Variants in TAS1R3 observed in about 807,000 individuals in gnomAD.
TAS1R3 encodes the protein taste 1 receptor member 3, also known as taste receptor type 1 member 3.
TAS1R3 carries 58 observed loss-of-function variants against 46.1 expected under a neutral mutation model. That is an observed-to-expected ratio of 1.26 (90% CI 1.02 to 1.57). TAS1R3 has a LOEUF of 1.57. Among genes scored for constraint, TAS1R3 ranks in the 40% most tolerant of loss-of-function variants. The pLI is 0.00. For missense variants in TAS1R3, 1,422 were observed against 1,185.8 expected, an observed-to-expected ratio of 1.20 and a Z score of -2.93; for synonymous variants, 724 against 544.7, an observed-to-expected ratio of 1.33 and a Z score of -4.58.
In TAS1R3 at chr1:1,331,605, G is replaced by A. The variant is rs199855293; in HGVS notation, c.192-33G>A. 4.8e-5 allele frequency: 77 copies of A among 1,605,760 alleles called. No homozygotes were observed. In the Admixed American group the frequency reaches 5.4e-4, roughly 11 times the overall value. Reference sequence around the variant, plus strand: ...TCTGGGGTGCTCCTGAGCTGGGGCCGAGGTGGCCATCTGCGGTTCTGTGTG... The same window carrying A: ...TCTGGGGTGCTCCTGAGCTGGGGCCAAGGTGGCCATCTGCGGTTCTGTGTG... On this transcript the variant is annotated intron_variant, in intron 1 of 5. Transcript: ENST00000339381.
At position 1,331,933 on chromosome 1, in the gene TAS1R3, C is replaced by G; in HGVS notation, c.487C>G (p.Pro163Ala). 6.2e-7 allele frequency: 1 copy of G among 1,606,650 alleles called. No individual in the cohort carries two copies. Residue 163 changes from proline (P) to alanine (A), a missense_variant, in exon 2 of 6, where the codon CCC becomes GCC. Physicochemically the swap from Pro to Ala is conservative, Grantham distance 27. Transcript: ENST00000339381. Reference sequence around the variant, plus strand: ...CAAGTTCTTCAGCTTCTTCCTCATGCCCCAGGTGGGCGCCCCCCACCATCA... The same window carrying G: ...CAAGTTCTTCAGCTTCTTCCTCATGGCCCAGGTGGGCGCCCCCCACCATCA... ...TGKFFSFFLM[P>A]QVSYGASMEL...
chr1:1,333,448 G>C (rs1643477330), intron 5 of TAS1R3, 58 bp from the exon 6 acceptor site: 1 of 1,605,632 alleles, frequency 6.2e-7, no homozygotes, highest in African/African-American at 1.3e-5. Context: ...TCCTGACTCT[G>C]AGACCAGAGC....
In TAS1R3 at chr1:1,334,378, ACCC is replaced by A; in HGVS notation, c.2476_2478del (p.Pro826del). The A allele has an allele frequency of 6.2e-7, 1 of 1,609,830 alleles. No individual in the cohort carries two copies. The highest frequency in any genetic ancestry group is 8.5e-7 in the Non-Finnish European group (1 of 1,178,540). On this transcript the variant is annotated inframe_deletion, in exon 6 of 6. Coordinates refer to ENST00000339381, the MANE Select transcript of TAS1R3 (RefSeq NM_152228.3). ...GCTCATGCGGCAGCCAGGGCTCAACACCCCCGAGTTCTTCCTGGGAGGGGGCCC... is the reference window on the plus strand; with the variant it reads ...GCTCATGCGGCAGCCAGGGCTCAACACCGAGTTCTTCCTGGGAGGGGGCCC...
rs760809725 is a variant in TAS1R3 at position 1,332,689 on chromosome 1, T to C, written c.1158T>C (p.Asn386=). The C allele has an allele frequency of 8.7e-6, 14 of 1,604,706 alleles. No individual in the cohort carries two copies. The highest frequency in any genetic ancestry group is 1.6e-4 in the Middle Eastern group (1 of 6,082). ...ITLQNVSAGL[N]HHQTFSVYAA... Reference sequence around the variant, plus strand: ...TGCAGAACGTGAGCGCAGGGCTAAATCACCACCAGACGTTCTCTGTCTACG... The same window carrying C: ...TGCAGAACGTGAGCGCAGGGCTAAACCACCACCAGACGTTCTCTGTCTACG... Residue 386 remains asparagine (N), a synonymous_variant, in exon 3 of 6, where the codon AAT becomes AAC. Transcript: ENST00000339381.
Position 1,333,615 on chromosome 1 carries a change from G to C in TAS1R3, c.1710G>C (p.Leu570=). Residue 570 remains leucine, a synonymous_variant, in exon 6 of 6, where the codon CTG becomes CTC. Transcript: ENST00000339381. The stretch of plus-strand genomic sequence containing the variant: ...TGGCATGGGGCGAGCCGGCTGTGCT[G>C]CTGCTGCTCCTGCTGCTGAGCCTGG... The part of the protein sequence containing the change: ...RFLAWGEPAV[L]LLLLLLSLAL... The C allele has an allele frequency of 6.2e-7, 1 of 1,610,542 alleles. No homozygotes were observed. Among genetic ancestry groups the C allele is most frequent in the Non-Finnish European group, 8.5e-7 (1 of 1,179,782 alleles).
At position 1,333,759 on chromosome 1, in the gene TAS1R3, C is replaced by T; in HGVS notation, c.1854C>T (p.Cys618=). 2 of 1,596,404 alleles carry T rather than the reference C, an allele frequency of 1.3e-6. No homozygotes were observed. Among genetic ancestry groups the T allele is most frequent in the South Asian group, 1.1e-5 (1 of 89,868 alleles). The change falls in exon 6 of 6, where the codon TGC becomes TGT. Residue 618 remains cysteine (C), a synonymous_variant. Transcript: ENST00000339381. ...GCCTGGTGTGCCTGGGCCTGGTCTG[C>T]CTCAGCGTCCTCCTGTTCCCTGGCC... ...CFGLVCLGLV[C]LSVLLFPGQP... is the part of the protein sequence containing the mutation.
rs748811798 is a variant in TAS1R3 at position 1,332,978 on chromosome 1, G to A, written c.1333G>A (p.Asp445Asn). ...CGTGGGCGGGCTGCCGCTGCGGTTC[G>A]ACAGCAGCGGAAACGTGGACATGGA... ...FHVGGLPLRF[D>N]SSGNVDMEYD... Residue 445 changes from aspartate to asparagine, a missense_variant, in exon 4 of 6, where the codon GAC becomes AAC. Coordinates refer to ENST00000339381, the MANE Select transcript of TAS1R3 (RefSeq NM_152228.3). 129 of 1,612,296 alleles carry A rather than the reference G, an allele frequency of 8.0e-5. 1 individual carries two copies. The highest frequency in any genetic ancestry group is 4.0e-4 in the East Asian group (18 of 44,870).
At position 1,332,211 on chromosome 1, in the gene TAS1R3, C is replaced by T. The variant is rs569364281; in HGVS notation, c.680C>T (p.Ser227Leu). ...EYGRQGLSIF[S>L]ALAAARGICI... The stretch of plus-strand genomic sequence containing the variant: ...GGCCGGCAGGGCCTGAGCATCTTCT[C>T]GGCCCTGGCCGCGGCACGCGGCATC... Residue 227 changes from serine (S) to leucine (L), a missense_variant, in exon 3 of 6, where the codon TCG (serine) becomes TTG (leucine). By Grantham distance (145) the Ser-to-Leu change is moderately radical. Coordinates refer to ENST00000339381, the MANE Select transcript of TAS1R3 (RefSeq NM_152228.3). The T allele has an allele frequency of 2.8e-5, 44 of 1,592,876 alleles. No individual in the cohort carries two copies. Among genetic ancestry groups the T allele is most frequent in the East Asian group, 9.0e-5 (4 of 44,588 alleles).
At position 1,334,256 on chromosome 1, in the gene TAS1R3, A is replaced by T. The variant is rs1643504110; in HGVS notation, c.2351A>T (p.Asn784Ile). 1 of 1,611,934 alleles carries T rather than the reference A, an allele frequency of 6.2e-7. No homozygotes were observed. The highest frequency in any genetic ancestry group is 8.5e-7 in the Non-Finnish European group (1 of 1,179,656). ...TWVSFVPLLANVQVVLRPAVQ... is the reference protein window; with the variant it reads ...TWVSFVPLLAIVQVVLRPAVQ... Reference sequence around the variant, plus strand: ...GTCTCCTTTGTGCCCCTCCTGGCCAATGTGCAGGTGGTCCTCAGGCCCGCC... The same window carrying T: ...GTCTCCTTTGTGCCCCTCCTGGCCATTGTGCAGGTGGTCCTCAGGCCCGCC... The change falls in exon 6 of 6, where the codon AAT becomes ATT. Residue 784 changes from asparagine to isoleucine, a missense_variant. Physicochemically the swap from Asn to Ile is moderately radical, Grantham distance 149 (BLOSUM62 -3). Transcript: ENST00000339381.
rs1379648709 is a variant in TAS1R3, at chr1:1,333,770, T to C, written c.1865T>C (p.Leu622Pro). The C allele has an allele frequency of 6.3e-7, 1 of 1,595,824 alleles. No homozygotes were observed. Among genetic ancestry groups the C allele is most frequent in the Non-Finnish European group, 8.5e-7 (1 of 1,174,704 alleles). The change falls in exon 6 of 6, where the codon CTC (leucine) becomes CCC (proline). Residue 622 changes from leucine (L) to proline (P), a missense_variant. Physicochemically the swap from Leu to Pro is moderately conservative, Grantham distance 98 (BLOSUM62 -3). Coordinates refer to ENST00000339381, the MANE Select transcript of TAS1R3 (RefSeq NM_152228.3). Reference sequence around the variant, plus strand: ...CTGGGCCTGGTCTGCCTCAGCGTCCTCCTGTTCCCTGGCCAGCCCAGCCCT... The same window carrying C: ...CTGGGCCTGGTCTGCCTCAGCGTCCCCCTGTTCCCTGGCCAGCCCAGCCCT... ...VCLGLVCLSV[L>P]LFPGQPSPAR...
rs1413538551 is a variant in TAS1R3 at position 1,334,140 on chromosome 1, C to T, written c.2235C>T (p.Phe745=). ...ATNATLAFLC[F]LGTFLVRSQP... is the part of the protein sequence containing the mutation. ...ATGCCACGCTGGCCTTTCTCTGCTT[C>T]CTGGGCACTTTCCTGGTGCGGAGCC... The change falls in exon 6 of 6, where the codon TTC becomes TTT. Residue 745 remains phenylalanine (F), a synonymous_variant. Coordinates refer to ENST00000339381, the MANE Select transcript of TAS1R3 (RefSeq NM_152228.3). 2 of 1,582,636 alleles carry T rather than the reference C, an allele frequency of 1.3e-6. No homozygotes were observed. Among genetic ancestry groups the T allele is most frequent in the Non-Finnish European group, 1.7e-6 (2 of 1,164,234 alleles).
In TAS1R3 at chr1:1,332,972, C is replaced by T. The variant is rs200305103; in HGVS notation, c.1327C>T (p.Arg443Trp). The T allele has an allele frequency of 1.9e-4, 304 of 1,612,130 alleles. No homozygotes were observed. Among genetic ancestry groups the T allele is most frequent in the Non-Finnish European group, 2.3e-4 (272 of 1,179,528 alleles). ...CTTCCACGTGGGCGGGCTGCCGCTG[C>T]GGTTCGACAGCAGCGGAAACGTGGA... Reference protein sequence around the residue: ...LTFHVGGLPLRFDSSGNVDME... With the variant: ...LTFHVGGLPLWFDSSGNVDME... Residue 443 changes from arginine (R) to tryptophan (W), a missense_variant, in exon 4 of 6, where the codon CGG becomes TGG. Coordinates refer to ENST00000339381, the MANE Select transcript of TAS1R3 (RefSeq NM_152228.3).
At chr1:1,332,892 G>T in intron 3 of TAS1R3, 29 bp from the exon 4 acceptor site, 1 of 1,591,294 alleles carries the variant, frequency 6.3e-7, no homozygotes, top group Non-Finnish European at 8.6e-7. Flanking sequence ...GGAGGTGGCT[G>T]GCGGCTCAGC....
Position 1,333,947 on chromosome 1 carries a change from C to T in TAS1R3, c.2042C>T (p.Ala681Val). 6.2e-7 allele frequency: 1 copy of T among 1,600,540 alleles called. No homozygotes were observed. Among genetic ancestry groups the T allele is most frequent in the South Asian group, 1.1e-5 (1 of 91,026 alleles). The stretch of plus-strand genomic sequence containing the variant: ...AGTGGCTGCCTGCGGGGGCCCTGGG[C>T]CTGGCTGGTGGTGCTGCTGGCCATG... The part of the protein sequence containing the change: ...RLSGCLRGPW[A>V]WLVVLLAMLV... The change falls in exon 6 of 6, where the codon GCC becomes GTC. Residue 681 changes from alanine (A) to valine (V), a missense_variant. Coordinates refer to ENST00000339381, the MANE Select transcript of TAS1R3 (RefSeq NM_152228.3).
In TAS1R3 at chr1:1,333,549, G is replaced by C; in HGVS notation, c.1644G>C (p.Pro548=). The C allele has an allele frequency of 6.2e-7, 1 of 1,603,806 alleles. No individual in the cohort carries two copies. The highest frequency in any genetic ancestry group is 8.5e-7 in the Non-Finnish European group (1 of 1,179,848). The change falls in exon 6 of 6, where the codon CCG becomes CCC. Residue 548 remains proline (P), a synonymous_variant. Transcript: ENST00000339381. ...CTFCGQDEWS[P]ERSTRCFRRR... ...TTTGTGGCCAGGATGAGTGGTCCCC[G>C]GAGCGAAGCACACGCTGCTTCCGCC...
chr1:1,333,204 A>G, intron 4 of TAS1R3, 55 bp from the exon 5 acceptor site: 1 of 1,592,084 alleles, frequency 6.3e-7, no homozygotes, highest in Non-Finnish European at 8.5e-7. Context: ...GGGCCGTTCC[A>G]GTCTCCCGTG....
rs369420237 is a variant in TAS1R3 at position 1,333,658 on chromosome 1, G to A, written c.1753G>A (p.Ala585Thr). ...GAGCCTGGCGCTGGGCCTTGTGCTG[G>A]CTGCTTTGGGGCTGTTCGTTCACCA... is the stretch of plus-strand genomic sequence containing the variant. ...LLSLALGLVL[A>T]ALGLFVHHRD... The change falls in exon 6 of 6, where the codon GCT becomes ACT. Residue 585 changes from alanine (A) to threonine (T), a missense_variant. Transcript: ENST00000339381. The A allele has an allele frequency of 4.5e-5, 72 of 1,611,992 alleles. 1 individual carries two copies. The Middle Eastern group carries it at 2.0e-3, about 44-fold the overall frequency.
Position 1,334,188 on chromosome 1 carries a change from C to A in TAS1R3, c.2283C>A (p.Ala761=). ...GCCAGCCGGGCTGCTACAACCGTGC[C>A]CGTGGCCTCACCTTTGCCATGCTGG... The part of the protein sequence containing the change: ...VRSQPGCYNR[A]RGLTFAMLAY... Residue 761 remains alanine (A), a synonymous_variant, in exon 6 of 6, where the codon GCC becomes GCA. Coordinates refer to ENST00000339381, the MANE Select transcript of TAS1R3 (RefSeq NM_152228.3). 6.2e-7 allele frequency: 1 copy of A among 1,600,960 alleles called. No individual in the cohort carries two copies. The highest frequency in any genetic ancestry group is 2.3e-5 in the East Asian group (1 of 44,328).
chr1:1,332,430 G>A lies in TAS1R3; in HGVS notation c.899G>A (p.Ser300Asn). The A allele has an allele frequency of 6.2e-7, 1 of 1,607,294 alleles. No homozygotes were observed. Among genetic ancestry groups the A allele is most frequent in the Non-Finnish European group, 8.5e-7 (1 of 1,178,576 alleles). Residue 300 changes from serine to asparagine, a missense_variant, in exon 3 of 6, where the codon AGC becomes AAC. Transcript: ENST00000339381. ...CTCTCGCCCAAGGTGTGGGTGGCCA[G>A]CGAGGCCTGGCTGACCTCTGACCTG... is the stretch of plus-strand genomic sequence containing the variant. Reference protein sequence around the residue: ...SRLSPKVWVASEAWLTSDLVM... With the variant: ...SRLSPKVWVANEAWLTSDLVM...
Sources: allele counts gnomAD v4.1 joint callset, GRCh38; gene constraint gnomAD v4.1.1; transcripts MANE v1.5; gene names NCBI Gene and HGNC (gene_info 2026-07-23, HGNC 2026-07-21).